The following CYB5R4 variants were observed in gnomAD, a reference collection of about 807,000 sequenced individuals.
CYB5R4 encodes N-terminal cytochrome b5 and cytochrome b5 oxidoreductase domain-containing protein.
CYB5R4 carries 55 observed loss-of-function variants against 70.2 expected under a neutral mutation model. The ratio of observed to expected loss-of-function variants is 0.78; its 90% CI spans 0.63 to 0.98. The LOEUF (loss-of-function observed/expected upper bound fraction) is 0.98. Ranked by LOEUF, CYB5R4 falls within the 50% of genes least tolerant of loss-of-function variation. CYB5R4 has a pLI of 0.00. For missense variants in CYB5R4, 562 were observed against 612.6 expected, an observed-to-expected ratio of 0.92 and a Z score of 0.87; for synonymous variants, 197 against 199.5, an observed-to-expected ratio of 0.99 and a Z score of 0.11.
chr6:83,904,455 G>T (rs958124977), intron 3 of CYB5R4, among the ~76,000 whole-genome samples: 2 of 152,082 alleles, frequency 1.3e-5, no homozygotes, highest in African/African-American at 4.8e-5. Flanking sequence ...CCTAACATAT[G>T]TCTGTCATGG....
At chr6:83,958,963 C>T (rs551470788) in intron 15 of CYB5R4, among the ~76,000 whole-genome samples, 1 of 152,172 alleles carries the variant, frequency 6.6e-6, no homozygotes, top group East Asian at 1.9e-4. Flanking sequence ...TCTGCTTTTC[C>T]TGTTCAGTAG....
intron 9 of CYB5R4, 41 bp downstream of exon 9, chr6:83,922,511 A>AATTT: frequency 1.4e-6 from 2 of 1,429,166 alleles, no homozygotes; most frequent in Non-Finnish European, 2.0e-6. Context: ...GTACGTACAT[A>AATTT]TACACATACC....
In CYB5R4 at chr6:83,859,739, T is replaced by G; in HGVS notation, c.-44T>G. On this transcript the variant is annotated 5_prime_UTR_variant, in exon 1 of 16. Transcript: ENST00000369681. ...AGCCGGAGCTGGAGGTGCTGTCCCG[T>G]CTGGCGGCGATCCCCGGGCAGGGCC... is the stretch of plus-strand genomic sequence containing the variant. The G allele has an allele frequency of 1.9e-6, 3 of 1,603,144 alleles. No individual in the cohort carries two copies. Among genetic ancestry groups the G allele is most frequent in the South Asian group, 2.2e-5 (2 of 90,228 alleles).
intron 12 of CYB5R4, 41 bp from the exon 13 acceptor site, chr6:83,940,015 G>GTTT (rs370968292): frequency 4.6e-5 from 53 of 1,159,006 alleles, no homozygotes; most frequent in South Asian, 1.0e-4. Context: ...TTTGTTTTTT[G>GTTT]TTTTTTTTTT....
chr6:83,925,647 G>T (rs2099467161), intron 10 of CYB5R4, among the ~76,000 whole-genome samples: 2 of 152,204 alleles, frequency 1.3e-5, no homozygotes, highest in South Asian at 4.2e-4. Context: ...CCAGAACATG[G>T]ATGATTTTTC....
At chr6:83,865,189 C>A (rs1425072276) in intron 2 of CYB5R4, among the ~76,000 whole-genome samples, 3 of 152,192 alleles carry the variant, frequency 2.0e-5, no homozygotes, top group African/African-American at 7.2e-5. Flanking sequence ...CACATAGAGG[C>A]CATTGACTTG....
rs374447411 is a variant in CYB5R4 at position 83,942,409 on chromosome 6, A to C, written c.1346+1808A>C. The stretch of plus-strand genomic sequence containing the variant: ...AAGGGAAGCCATGAGGGACTGTGCC[A>C]TGAGTGACTGTGCTATCCAGCCCAG... On this transcript the variant is annotated intron_variant, in intron 14 of 15. Transcript: ENST00000369681. Among the ~76,000 whole-genome samples the C allele has an allele frequency of 1.4e-4, 21 of 152,352 alleles. No homozygotes were observed. The South Asian group carries it at 2.7e-3, about 20-fold the overall frequency.
chr6:83,944,413 C>CTTACAAGA (rs2099470243), intron 14 of CYB5R4, among the ~76,000 whole-genome samples: 1 of 152,106 alleles, frequency 6.6e-6, no homozygotes, highest in Non-Finnish European at 1.5e-5. Flanking sequence ...CCAGGCCTGC[C>CTTACAAGA]TTACAAGAGT....
At chr6:83,925,264 CA>C (rs539118797) in intron 10 of CYB5R4, among the ~76,000 whole-genome samples, 316 of 152,016 alleles carry the variant, frequency 2.1e-3, no homozygotes, top group African/African-American at 7.3e-3. Context: ...TTTAAACAAC[CA>C]GATCTTGTGT....
intron 7 of CYB5R4, among the ~76,000 whole-genome samples, chr6:83,919,851 A>G (rs2099466091): frequency 6.6e-6 from 1 of 152,028 alleles, no homozygotes; most frequent in Admixed American, 6.6e-5. Flanking sequence ...CCATAAGAAC[A>G]AATTTCCTAG....
At chr6:83,955,702 G>A (rs2099472327) in intron 15 of CYB5R4, among the ~76,000 whole-genome samples, 2 of 152,184 alleles carry the variant, frequency 1.3e-5, no homozygotes, top group South Asian at 4.1e-4. Flanking sequence ...TGCTCGTGAT[G>A]GCTGCCAATA....
chr6:83,938,323 A>G (rs144532575), intron 12 of CYB5R4, among the ~76,000 whole-genome samples: 296 of 152,328 alleles, frequency 1.9e-3, no homozygotes, highest in African/African-American at 6.7e-3. Flanking sequence ...GTCCTAGAGC[A>G]TGGAAAGGGA....
intron 10 of CYB5R4, 27 bp downstream of exon 10, chr6:83,924,619 ATT>A (rs749052969): frequency 5.6e-6 from 9 of 1,604,906 alleles, no homozygotes; most frequent in Non-Finnish European, 7.7e-6. Flanking sequence ...TGTTACGTTA[ATT>A]TCACATTCAT....
At chr6:83,928,357 G>A (rs547115400) in intron 10 of CYB5R4, among the ~76,000 whole-genome samples, 4 of 152,118 alleles carry the variant, frequency 2.6e-5, no homozygotes, top group East Asian at 1.9e-4. Flanking sequence ...GAAACAGGCC[G>A]ACAAGGACAA....
At chr6:83,911,289 A>C (rs2099464642) in intron 4 of CYB5R4, among the ~76,000 whole-genome samples, 2 of 152,186 alleles carry the variant, frequency 1.3e-5, no homozygotes, top group Middle Eastern at 6.8e-3. Flanking sequence ...AATCAGGTCT[A>C]AGTTGTGTTA....
At chr6:83,920,330 G>A (rs1375570058) in intron 7 of CYB5R4, among the ~76,000 whole-genome samples, 2 of 152,032 alleles carry the variant, frequency 1.3e-5, no homozygotes, top group Non-Finnish European at 2.9e-5. Flanking sequence ...TCATTCTGCA[G>A]GAGTGACCAG....
At chr6:83,914,362 CT>C in intron 4 of CYB5R4, 53 bp from the exon 5 acceptor site, 1 of 1,480,942 alleles carries the variant, frequency 6.8e-7, no homozygotes, top group Non-Finnish European at 9.1e-7. Flanking sequence ...GACTGACATT[CT>C]CATTGACATT....
intron 2 of CYB5R4, among the ~76,000 whole-genome samples, chr6:83,876,807 G>A (rs990966429): frequency 6.6e-6 from 1 of 151,518 alleles, no homozygotes; most frequent in Non-Finnish European, 1.5e-5. Flanking sequence ...ATTCCTTTTT[G>A]TTGATCCAGA....
Position 83,960,118 on chromosome 6 carries a change from G to T in CYB5R4, c.*240G>T. 2 of 332,190 alleles carry T rather than the reference G, an allele frequency of 6.0e-6. No homozygotes were observed. Among genetic ancestry groups the T allele is most frequent in the South Asian group, 6.5e-5 (1 of 15,436 alleles). 20.6% of individuals were successfully genotyped at this position (332,190 alleles called of 1,614,324 possible). On this transcript the variant is annotated 3_prime_UTR_variant, in exon 16 of 16. Transcript: ENST00000369681. ...TAATCATGGCAACAAATACATACAG[G>T]ATTCTTTGTTATGAATCACAAATTT...
Sources: gnomAD v4.1 joint callset for allele counts (sites outside exome capture counted in the v4.1 genomes callset) on GRCh38, gnomAD v4.1.1 for gene constraint, MANE v1.5 for transcripts, NCBI Gene and HGNC (gene_info 2026-07-23, HGNC 2026-07-21) for gene names.